The following LRRTM4 variants were observed in gnomAD, a reference collection of about 807,000 sequenced individuals.
The protein encoded by LRRTM4 is leucine rich repeat transmembrane neuronal 4.
In LRRTM4, 25 loss-of-function variants were observed where a neutral mutation model predicts 47.6. The observed-to-expected ratio is 0.53, with a 90% CI of 0.38 to 0.73. LRRTM4 has a LOEUF of 0.73. LRRTM4 is among the 30% of genes least tolerant of loss of function. The pLI is 0.00. For missense variants in LRRTM4, 638 were observed against 713.4 expected (o/e 0.89, Z 1.20); for synonymous variants, 311 against 269.5 (o/e 1.15, Z -1.51).
At chr2:77,471,627 T>C (rs1677192810) in intron 3 of LRRTM4, among the ~76,000 whole-genome samples, 1 of 152,124 alleles carries the variant, frequency 6.6e-6, no homozygotes, top group Non-Finnish European at 1.5e-5. Flanking sequence ...CATTATGATA[T>C]TGTCTCAAAT....
At chr2:77,000,823 A>G (rs1677394198) in intron 3 of LRRTM4, among the ~76,000 whole-genome samples, 1 of 152,072 alleles carries the variant, frequency 6.6e-6, no homozygotes, top group Admixed American at 6.6e-5. Context: ...TTTTCCTGAA[A>G]TCAATCCCTG....
chr2:76,873,316 C>T lies in LRRTM4; in HGVS notation c.1552-124400G>A, dbSNP rs549123697. On this transcript the variant is annotated intron_variant, in intron 3 of 3. Transcript: ENST00000409884. ...AAGTAGTGTGGCTAGCATTGTCATG[C>T]CCAGAGCCCTCTTTGGCACAACTTC... Among the ~76,000 whole-genome samples the T allele has an allele frequency of 7.1e-4, 108 of 151,856 alleles. 1 individual carries two copies. The highest frequency in any genetic ancestry group is 2.6e-3 in the African/African-American group (108 of 41,420).
chr2:77,517,274 A>G, intron 3 of LRRTM4: 2 of 983,260 alleles, frequency 2.0e-6, no homozygotes, highest in Non-Finnish European at 2.4e-6. Context: ...AAAAACAAAA[A>G]TAATATAACA....
chr2:77,088,873 ATC>A (rs1680823106), intron 3 of LRRTM4, among the ~76,000 whole-genome samples: 1 of 151,192 alleles, frequency 6.6e-6, no homozygotes, highest in Non-Finnish European at 1.5e-5. Flanking sequence ...CTATCCCTCA[ATC>A]TCTTTCTCCT....
At chr2:76,893,752 T>C (rs1024196579) in intron 3 of LRRTM4, among the ~76,000 whole-genome samples, 4 of 151,804 alleles carry the variant, frequency 2.6e-5, no homozygotes, top group African/African-American at 7.2e-5. Context: ...AGCTTTCTCA[T>C]TGCATCCTGC....
At chr2:77,050,788 T>A (rs369999375) in intron 3 of LRRTM4, among the ~76,000 whole-genome samples, 1 of 152,198 alleles carries the variant, frequency 6.6e-6, no homozygotes, top group African/African-American at 2.4e-5. Flanking sequence ...TAATTTTATT[T>A]ATTTCATAGG....
At chr2:77,359,570 A>T (rs1160083093) in intron 3 of LRRTM4, among the ~76,000 whole-genome samples, 1 of 152,204 alleles carries the variant, frequency 6.6e-6, no homozygotes, top group Non-Finnish European at 1.5e-5. Flanking sequence ...GGTTTTATGA[A>T]ATATAGTGTT....
At chr2:76,785,400 T>G (rs1674621026) in intron 3 of LRRTM4, among the ~76,000 whole-genome samples, 2 of 152,162 alleles carry the variant, frequency 1.3e-5, no homozygotes, top group South Asian at 4.1e-4. Context: ...TACATGTATT[T>G]ATTAAACTAG....
chr2:76,772,760 T>C (rs1673766475), intron 3 of LRRTM4: 1 of 152,176 alleles, frequency 6.6e-6, no homozygotes, highest in East Asian at 1.9e-4. Flanking sequence ...GAGACTGCAG[T>C]TGTATAACTT....
chr2:77,407,530 G>C (rs1321380232), intron 3 of LRRTM4, among the ~76,000 whole-genome samples: 1 of 147,428 alleles, frequency 6.8e-6, no homozygotes, highest in East Asian at 2.0e-4. Context: ...GCAGTTGAAG[G>C]TCAATGGTAA....
chr2:76,891,832 C>T (rs953645879), intron 3 of LRRTM4, among the ~76,000 whole-genome samples: 2 of 151,346 alleles, frequency 1.3e-5, no homozygotes, highest in African/African-American at 4.8e-5. Context: ...CAACTCAATT[C>T]GGATGCAAAA....
Position 76,775,768 on chromosome 2 carries a change from T to G in LRRTM4, c.1552-26852A>C, listed in dbSNP as rs1031417275. On this transcript the variant is annotated intron_variant, in intron 3 of 3. Coordinates refer to ENST00000409884, the MANE Select transcript of LRRTM4 (RefSeq NM_001134745.3). ...CTCTCTTTTTTTTAAATTTATTTTTTTATTATACTTTAAGTTTTAGGGTAC... is the reference window on the plus strand; with the variant it reads ...CTCTCTTTTTTTTAAATTTATTTTTGTATTATACTTTAAGTTTTAGGGTAC... 3.3e-5 allele frequency among the ~76,000 whole-genome samples: 5 copies of G among 152,258 alleles called. No homozygotes were observed. The East Asian group carries it at 9.7e-4, about 29-fold the overall frequency.
chr2:77,069,657 C>T (rs889164807), intron 3 of LRRTM4, among the ~76,000 whole-genome samples: 13 of 152,040 alleles, frequency 8.6e-5, no homozygotes, highest in African/African-American at 3.1e-4. Context: ...TTCAACTTTG[C>T]CTTAGCCTTT....
At chr2:77,001,744 G>A (rs892224789) in intron 3 of LRRTM4, among the ~76,000 whole-genome samples, 1 of 152,104 alleles carries the variant, frequency 6.6e-6, no homozygotes, top group South Asian at 2.1e-4. Context: ...TTTCCACAGT[G>A]CTTCCTGAGC....
chr2:77,252,014 C>A (rs965558539), intron 3 of LRRTM4, among the ~76,000 whole-genome samples: 23 of 152,058 alleles, frequency 1.5e-4, no homozygotes, highest in African/African-American at 5.3e-4. Context: ...CTACGACTTG[C>A]AGACAGATAA....
At chr2:77,490,565 G>A (rs554184987) in intron 3 of LRRTM4, among the ~76,000 whole-genome samples, 1 of 151,856 alleles carries the variant, frequency 6.6e-6, no homozygotes, top group East Asian at 1.9e-4. Flanking sequence ...GACATTTTTC[G>A]TTATGAGATA....
At position 77,167,785 on chromosome 2, in the gene LRRTM4, C is replaced by T. The variant is rs1672929348; in HGVS notation, c.1551+350533G>A. The stretch of plus-strand genomic sequence containing the variant: ...TTTGGACACAGGATGGGGAACATCA[C>T]ACACTGGGCCTGTCATGGGATGGGG... On this transcript the variant is annotated intron_variant, in intron 3 of 3. Coordinates refer to ENST00000409884, the MANE Select transcript of LRRTM4 (RefSeq NM_001134745.3). Among the ~76,000 whole-genome samples the T allele has an allele frequency of 2.0e-5, 3 of 152,094 alleles. No individual in the cohort carries two copies. In the South Asian group the frequency reaches 6.2e-4, roughly 32 times the overall value.
At chr2:77,144,755 A>T (rs2103770133) in intron 3 of LRRTM4, among the ~76,000 whole-genome samples, 1 of 152,270 alleles carries the variant, frequency 6.6e-6, no homozygotes. Context: ...ATCATATGTA[A>T]GGTTGATCAA....
chr2:76,981,838 G>A (rs1009799801), intron 3 of LRRTM4, among the ~76,000 whole-genome samples: 5 of 151,902 alleles, frequency 3.3e-5, no homozygotes, highest in African/African-American at 1.2e-4. Flanking sequence ...AGGCTTCTAT[G>A]TAGAGCAATG....
Sources: gnomAD v4.1 joint callset for allele counts (sites outside exome capture counted in the v4.1 genomes callset) on GRCh38, gnomAD v4.1.1 for gene constraint, MANE v1.5 for transcripts, NCBI Gene and HGNC (gene_info 2026-07-23, HGNC 2026-07-21) for gene names.